Variants in NSD2 observed in about 807,000 individuals in gnomAD.
NSD2 encodes the protein histone-lysine N-methyltransferase NSD2.
Under a neutral mutation model 139.0 loss-of-function variants are expected in NSD2, and 12 were observed. The observed-to-expected ratio is 0.09, with a 90% confidence interval of 0.06 to 0.14. The LOEUF (loss-of-function observed/expected upper bound fraction) is 0.14, where lower values mean the gene tolerates loss of function less well. NSD2 is among the 10% of genes least tolerant of loss of function. The pLI is 1.00. For synonymous variants in NSD2, 669 were observed against 648.7 expected, an observed-to-expected ratio of 1.03 and a Z score of -0.48; for missense variants, 1,155 against 1,745.0, an observed-to-expected ratio of 0.66 and a Z score of 6.02.
chr4:1,940,564 C>T, intron 9 of NSD2: 2 of 1,064,274 alleles, frequency 1.9e-6, no homozygotes, highest in Non-Finnish European at 2.3e-6. Context: ...CTTCATAGAG[C>T]TTTGGAGTTT....
chr4:1,891,085 G>A (rs1427161888), intron 1 of NSD2, among the ~76,000 whole-genome samples: 2 of 152,150 alleles, frequency 1.3e-5, no homozygotes, highest in Non-Finnish European at 2.9e-5. Context: ...GTAGAGACAG[G>A]ATTTTGCCAT....
At chr4:1,911,655 A>G (rs183441170) in intron 3 of NSD2, among the ~76,000 whole-genome samples, 1 of 151,976 alleles carries the variant, frequency 6.6e-6, no homozygotes, top group African/African-American at 2.4e-5. Context: ...GAGGATTACT[A>G]ATAACATAGT....
chr4:1,939,617 A>G, intron 8 of NSD2, 37 bp from the exon 9 acceptor site: 3 of 1,601,660 alleles, frequency 1.9e-6, no homozygotes, highest in Non-Finnish European at 2.6e-6. Context: ...TCAAGGGTTT[A>G]TGATTTGAAA....
At chr4:1,913,873 G>T (rs1388451873) in intron 3 of NSD2, among the ~76,000 whole-genome samples, 1 of 152,094 alleles carries the variant, frequency 6.6e-6, no homozygotes, top group East Asian at 1.9e-4. Context: ...CACACACGAG[G>T]AGAAAAACCC....
At chr4:1,977,790 CA>C (rs111398358) in intron 21 of NSD2, among the ~76,000 whole-genome samples, 1,665 of 95,968 alleles carry the variant, frequency 0.017, 16 homozygotes, top group Middle Eastern at 0.043. Context: ...AGACTCCACT[CA>C]AAAAAAAAAA....
chr4:1,886,602 C>A (rs1715131416), intron 1 of NSD2, among the ~76,000 whole-genome samples: 1 of 152,186 alleles, frequency 6.6e-6, no homozygotes, highest in Non-Finnish European at 1.5e-5. Flanking sequence ...GAGGCCGAGG[C>A]GGGCAGATCA....
chr4:1,972,854 A>AT lies in NSD2; in HGVS notation c.3373-2000dup, dbSNP rs1164391430. On this transcript the variant is annotated intron_variant, in intron 18 of 21. Transcript: ENST00000508803. This position sits in a 1 kb window ranked among gnomAD's most constrained non-coding sequence, Gnocchi z 4.0. ...GAAGCTATGGGAAAGTTTTTGACAC[A>AT]TTTTTTTTTCTTTTTGGAGACGGAG... Among the ~76,000 whole-genome samples, 17 of 151,476 alleles carry AT rather than the reference A, an allele frequency of 1.1e-4. No individual in the cohort carries two copies. The highest frequency in any genetic ancestry group is 2.7e-4 in the African/African-American group (11 of 41,332).
At chr4:1,871,847 C>G (rs1157842494) in intron 1 of NSD2, among the ~76,000 whole-genome samples, 2 of 145,642 alleles carry the variant, frequency 1.4e-5, no homozygotes, top group Middle Eastern at 3.3e-3. Context: ...GGGGCGGCGG[C>G]CTGCGGGCGG....
chr4:1,914,231 C>A (rs1329254399), intron 3 of NSD2, among the ~76,000 whole-genome samples: 1 of 152,082 alleles, frequency 6.6e-6, no homozygotes, highest in African/African-American at 2.4e-5. Context: ...CTATGTCGGC[C>A]AGGCTGGTCT....
chr4:1,965,820 C>A (rs1725828658), intron 18 of NSD2, among the ~76,000 whole-genome samples: 1 of 152,130 alleles, frequency 6.6e-6, no homozygotes, highest in South Asian at 2.1e-4. Context: ...ATTTATAAAA[C>A]CATCAGATCT....
Position 1,942,867 on chromosome 4 carries a change from A to G in NSD2, c.1881+3089A>G. 1 of 1,063,198 alleles carries G rather than the reference A, an allele frequency of 9.4e-7. No homozygotes were observed. The highest frequency in any genetic ancestry group is 1.6e-5 in the African/African-American group (1 of 60,918). The allele number at this position is 1,063,198 out of a possible 1,614,324, so 65.9% of individuals were successfully genotyped here. On this transcript the variant is annotated intron_variant, in intron 9 of 21. Transcript: ENST00000508803. This position sits in a 1 kb window ranked among gnomAD's most constrained non-coding sequence, Gnocchi z 4.0. ...TTCTCATTGCCAGTGAGATATATTC[A>G]GTATTGTAGATACTACACTAATTTC... is the stretch of plus-strand genomic sequence containing the variant.
At chr4:1,925,395 T>C (rs1387438555) in intron 5 of NSD2, among the ~76,000 whole-genome samples, 15 of 134,580 alleles carry the variant, frequency 1.1e-4, no homozygotes, top group African/African-American at 3.6e-4. Context: ...CTTTCTTTTT[T>C]TTTTTTTTTT....
intron 3 of NSD2, among the ~76,000 whole-genome samples, chr4:1,904,959 C>T (rs1204254950): frequency 6.6e-6 from 1 of 152,232 alleles, no homozygotes; most frequent in South Asian, 2.1e-4. Context: ...GGTCAAACCG[C>T]GTCTCTACTA....
chr4:1,942,152 TAAA>T lies in NSD2; in HGVS notation c.1881+2377_1881+2379del. ...TCTTGAAAAAGGTATATGTGATAAA[TAAA>T]AATTTTTATTGGAATAATTATTACA... On this transcript the variant is annotated intron_variant, in intron 9 of 21. Coordinates refer to ENST00000508803, the MANE Select transcript of NSD2 (RefSeq NM_001042424.3). This position sits in a 1 kb window ranked among gnomAD's most constrained non-coding sequence, Gnocchi z 4.0. The T allele has an allele frequency of 7.7e-7, 1 of 1,297,188 alleles. No individual in the cohort carries two copies. Among genetic ancestry groups the T allele is most frequent in the Non-Finnish European group, 9.8e-7 (1 of 1,020,904 alleles). 80.4% of individuals were successfully genotyped at this position (1,297,188 alleles called of 1,614,324 possible). A position where few individuals can be genotyped will look rare whatever the true frequency, so the allele number is the denominator to read the frequency against.
chr4:1,945,626 GTCC>G, intron 9 of NSD2: 2 of 1,064,502 alleles, frequency 1.9e-6, no homozygotes, highest in Non-Finnish European at 1.1e-6. Context: ...CTGGGCTTCT[GTCC>G]TCCTCTGTGT....
intron 9 of NSD2, chr4:1,943,803 C>T (rs1404634836): frequency 3.2e-5 from 34 of 1,061,844 alleles, no homozygotes; most frequent in Non-Finnish European, 3.6e-5. Context: ...TAAGCAGTCA[C>T]CCAAAGTAAA....
At chr4:1,946,050 A>G (rs1377701315) in intron 9 of NSD2, 2 of 1,034,950 alleles carry the variant, frequency 1.9e-6, no homozygotes, top group Non-Finnish European at 2.3e-6. Context: ...TTTAAAATCA[A>G]TAGATTCATC....
chr4:1,933,262 TG>T (rs1038218660), intron 6 of NSD2, among the ~76,000 whole-genome samples: 9 of 152,236 alleles, frequency 5.9e-5, no homozygotes, highest in Admixed American at 2.0e-4. Context: ...GACACTTACT[TG>T]TACCTCTGCC....
chr4:1,927,886 T>C (rs1483065265), intron 5 of NSD2, among the ~76,000 whole-genome samples: 1 of 151,854 alleles, frequency 6.6e-6, no homozygotes, highest in African/African-American at 2.4e-5. Flanking sequence ...TTTTTTGGTA[T>C]GTTTTAAATT....
Sources: allele counts gnomAD v4.1 joint callset (sites outside exome capture counted in the v4.1 genomes callset), GRCh38; gene constraint gnomAD v4.1.1; non-coding constraint Gnocchi (gnomAD v3.1); transcripts MANE v1.5; gene names NCBI Gene and HGNC (gene_info 2026-07-23, HGNC 2026-07-21).